COMMD1: variants seen among roughly 807,000 people sequenced by gnomAD.
The protein encoded by COMMD1 is copper metabolism domain containing 1.
In COMMD1, 10 loss-of-function variants were observed where a neutral mutation model predicts 17.2. The observed-to-expected ratio is 0.58, with a 90% CI of 0.36 to 0.99. The LOEUF is 0.99. COMMD1 is among the 50% of genes least tolerant of loss of function. The pLI, the probability that COMMD1 is intolerant of heterozygous loss-of-function variation, is 0.01. For missense variants in COMMD1, 270 were observed against 231.8 expected (o/e 1.17, Z -1.07); for synonymous variants, 97 against 91.6 (o/e 1.06, Z -0.34).
intron 1 of COMMD1, among the ~76,000 whole-genome samples, chr2:61,996,314 A>ATGTGTG (rs70946774): frequency 4.6e-4 from 65 of 142,396 alleles, no homozygotes; most frequent in South Asian, 3.9e-3. Flanking sequence ...TGTTTTCTAA[A>ATGTGTG]TGTGTGTGTG....
chr2:61,960,594 G>A (rs991861853), intron 1 of COMMD1, among the ~76,000 whole-genome samples: 21 of 152,114 alleles, frequency 1.4e-4, no homozygotes, highest in African/African-American at 5.1e-4. Context: ...GCTCCCATTG[G>A]GGGCAGTGTT....
At chr2:61,995,452 A>G (rs1668730487) in intron 1 of COMMD1, among the ~76,000 whole-genome samples, 1 of 152,234 alleles carries the variant, frequency 6.6e-6, no homozygotes, top group Non-Finnish European at 1.5e-5. Context: ...GAACACTTAC[A>G]TATTCCTCAC....
chr2:62,059,165 T>A (rs563537040), intron 2 of COMMD1, among the ~76,000 whole-genome samples: 1 of 151,148 alleles, frequency 6.6e-6, no homozygotes, highest in Non-Finnish European at 1.5e-5. Flanking sequence ...TGTTTTATTA[T>A]TTTTTTTTGG....
rs77232659 is a variant in COMMD1, at chr2:61,967,185, C to T, written c.181-33516C>T. Among the ~76,000 whole-genome samples the T allele has an allele frequency of 9.8e-3, 1,488 of 152,198 alleles. 22 individuals are homozygous for T. Among genetic ancestry groups the T allele is most frequent in the Middle Eastern group, 0.017 (5 of 294 alleles). ...AAGTTGCAAAGATAGCAGAACTGTCCAATCTGTCTACCTTCACAGCAGTGC... is the reference window on the plus strand; with the variant it reads ...AAGTTGCAAAGATAGCAGAACTGTCTAATCTGTCTACCTTCACAGCAGTGC... On this transcript the variant is annotated intron_variant, in intron 1 of 2. Coordinates refer to ENST00000311832, the MANE Select transcript of COMMD1 (RefSeq NM_152516.4).
At chr2:62,130,169 A>C (rs1303498725) in intron 2 of COMMD1, among the ~76,000 whole-genome samples, 2 of 150,562 alleles carry the variant, frequency 1.3e-5, no homozygotes, top group African/African-American at 2.5e-5. Context: ...AAAAAAAAAA[A>C]CAAACAAAAA....
At chr2:62,018,102 C>T (rs774657248) in intron 2 of COMMD1, among the ~76,000 whole-genome samples, 31 of 152,040 alleles carry the variant, frequency 2.0e-4, no homozygotes, top group Non-Finnish European at 4.3e-4. Flanking sequence ...GTAGCAGGCC[C>T]ATACGCATCT....
chr2:62,121,738 C>CAA lies in COMMD1; in HGVS notation c.463-14079_463-14078dup, dbSNP rs549415329. The stretch of plus-strand genomic sequence containing the variant: ...GGGCAACAGGAGCGAGACTCCGTCT[C>CAA]AAAAAAAAAAAAAAAGAGAGAGAGA... On this transcript the variant is annotated intron_variant, in intron 2 of 2. Coordinates refer to ENST00000311832, the MANE Select transcript of COMMD1 (RefSeq NM_152516.4). Among the ~76,000 whole-genome samples the CAA allele has an allele frequency of 9.3e-3, 743 of 80,034 alleles. 6 individuals are homozygous for CAA. The highest frequency in any genetic ancestry group is 0.025 in the African/African-American group (691 of 28,102). 52.5% of individuals were successfully genotyped at this position (80,034 alleles called of 152,430 possible).
At chr2:62,049,964 TAAATC>T (rs550307170) in intron 2 of COMMD1, among the ~76,000 whole-genome samples, 316 of 152,292 alleles carry the variant, frequency 2.1e-3, no homozygotes, top group Non-Finnish European at 3.8e-3. Context: ...ATCTGACAGA[TAAATC>T]AAAAAAACAT....
chr2:62,098,162 C>CT (rs1212972398), intron 2 of COMMD1, among the ~76,000 whole-genome samples: 7,021 of 125,826 alleles, frequency 0.056, 301 homozygotes, highest in African/African-American at 0.11. Flanking sequence ...TCCTTTCTTT[C>CT]TTTTTTTTTT....
At chr2:62,090,046 C>G (rs1438906352) in intron 2 of COMMD1, among the ~76,000 whole-genome samples, 1 of 151,860 alleles carries the variant, frequency 6.6e-6, no homozygotes, top group Non-Finnish European at 1.5e-5. Flanking sequence ...GATGTAATAG[C>G]CAATAGTTTA....
At position 62,116,604 on chromosome 2, in the gene COMMD1, G is replaced by A. The variant is rs556606215; in HGVS notation, c.463-19227G>A. Among the ~76,000 whole-genome samples the A allele has an allele frequency of 3.3e-5, 5 of 150,500 alleles. No homozygotes were observed. The East Asian group carries it at 5.9e-4, about 18-fold the overall frequency. ...GGAGAATCACTTAAACCCAGGAGGCGGAGGTTGCAGTGAGCAAAGATAGCA... is the reference window on the plus strand; with the variant it reads ...GGAGAATCACTTAAACCCAGGAGGCAGAGGTTGCAGTGAGCAAAGATAGCA... On this transcript the variant is annotated intron_variant, in intron 2 of 2. Coordinates refer to ENST00000311832, the MANE Select transcript of COMMD1 (RefSeq NM_152516.4).
At chr2:62,103,476 AG>A (rs2104025505) in intron 2 of COMMD1, among the ~76,000 whole-genome samples, 1 of 152,322 alleles carries the variant, frequency 6.6e-6, no homozygotes, top group South Asian at 2.1e-4. Flanking sequence ...TGGCCCCTAC[AG>A]TATGTGGCCC....
At chr2:61,980,940 T>C (rs550862910) in intron 1 of COMMD1, among the ~76,000 whole-genome samples, 1 of 152,330 alleles carries the variant, frequency 6.6e-6, no homozygotes, top group South Asian at 2.1e-4. Context: ...TGTTTGCCTT[T>C]TTTATTTCTT....
intron 2 of COMMD1, among the ~76,000 whole-genome samples, chr2:62,125,137 T>C (rs926551892): frequency 1.3e-5 from 2 of 152,266 alleles, no homozygotes; most frequent in African/African-American, 4.8e-5. Flanking sequence ...AATGTTTTTG[T>C]ATTACACTAA....
At chr2:62,015,198 C>T (rs1374645996) in intron 2 of COMMD1, among the ~76,000 whole-genome samples, 2 of 152,224 alleles carry the variant, frequency 1.3e-5, no homozygotes, top group African/African-American at 4.8e-5. Context: ...ATCTCTTCAG[C>T]CCCTGGTAAC....
chr2:62,007,535 AGAT>A lies in COMMD1; in HGVS notation c.462+6557_462+6559del, dbSNP rs1669154653. Among the ~76,000 whole-genome samples, 3 of 152,248 alleles carry A rather than the reference AGAT, an allele frequency of 2.0e-5. No homozygotes were observed. The South Asian group carries it at 6.2e-4, about 32-fold the overall frequency. On this transcript the variant is annotated intron_variant, in intron 2 of 2. Transcript: ENST00000311832. ...TCACATATACGATAGTTGTCCCATA[AGAT>A]GATAATACTGTATTTTAAAGGTAAC...
At chr2:62,104,255 G>T (rs1007612792) in intron 2 of COMMD1, among the ~76,000 whole-genome samples, 3 of 152,226 alleles carry the variant, frequency 2.0e-5, no homozygotes, top group Non-Finnish European at 4.4e-5. Flanking sequence ...CACTTTGGGA[G>T]ACCAAGGCAG....
intron 2 of COMMD1, among the ~76,000 whole-genome samples, chr2:62,051,811 G>A (rs1670543768): frequency 6.6e-6 from 1 of 152,182 alleles, no homozygotes; most frequent in African/African-American, 2.4e-5. Flanking sequence ...TAATGGTTTA[G>A]TAAGCTCATG....
At chr2:61,912,270 A>T (rs1287029054) in intron 1 of COMMD1, among the ~76,000 whole-genome samples, 1 of 152,190 alleles carries the variant, frequency 6.6e-6, no homozygotes. Flanking sequence ...AGAATAAGTG[A>T]ATGAATTGAG....
Sources: allele counts gnomAD v4.1 joint callset (sites outside exome capture counted in the v4.1 genomes callset), GRCh38; gene constraint gnomAD v4.1.1; transcripts MANE v1.5; gene names NCBI Gene and HGNC (gene_info 2026-07-23, HGNC 2026-07-21).